Variants in LRAT observed in about 807,000 individuals in gnomAD.
The protein encoded by LRAT is lecithin retinol acyltransferase (phosphatidylcholine--retinol O-acyltransferase).
In LRAT, 11 loss-of-function variants were observed where a neutral mutation model predicts 14.2. That is an observed-to-expected ratio of 0.78 (90% CI 0.49 to 1.29). The LOEUF (loss-of-function observed/expected upper bound fraction) is 1.29. Ranked by LOEUF, LRAT falls within the 50% of genes most tolerant of loss-of-function variation. The pLI is 0.00. For missense variants in LRAT, 274 were observed against 292.4 expected, an observed-to-expected ratio of 0.94 and a Z score of 0.46; for synonymous variants, 144 against 124.8, an observed-to-expected ratio of 1.15 and a Z score of -1.03.
rs186510513 is a variant in LRAT at position 154,750,740 on chromosome 4, T to A, written c.*1604T>A. 8.6e-4 allele frequency: 131 copies of A among 152,308 alleles called. No individual in the cohort carries two copies. Among genetic ancestry groups the A allele is most frequent in the African/African-American group, 3.1e-3 (127 of 41,576 alleles). 9.4% of individuals were successfully genotyped at this position (152,308 alleles called of 1,614,324 possible). A position where few individuals can be genotyped will look rare whatever the true frequency, so the allele number is the denominator to read the frequency against. On this transcript the variant is annotated 3_prime_UTR_variant, in exon 3 of 3. Coordinates refer to ENST00000336356, the MANE Select transcript of LRAT (RefSeq NM_004744.5). Reference sequence around the variant, plus strand: ...GACCTATTCTAACCACTTAAAATTATCTTAAGTATGCATACATAAAAGCAA... The same window carrying A: ...GACCTATTCTAACCACTTAAAATTAACTTAAGTATGCATACATAAAAGCAA...
At chr4:154,745,828 G>A (rs984795577) in intron 2 of LRAT, among the ~76,000 whole-genome samples, 2 of 152,028 alleles carry the variant, frequency 1.3e-5, no homozygotes, top group Non-Finnish European at 2.9e-5. Context: ...ATTTTCCATG[G>A]TATTCTGAAT....
chr4:154,743,115 G>A (rs1732798169), upstream of LRAT, among the ~76,000 whole-genome samples: 1 of 63,580 alleles, frequency 1.6e-5, no homozygotes, highest in African/African-American at 7.2e-5. Flanking sequence ...CGCGGGTAGC[G>A]ACCCCCCCAA....
At chr4:154,743,132 C>CG (rs1253658010), upstream of LRAT, among the ~76,000 whole-genome samples, 1 of 116,046 alleles carries the variant, frequency 8.6e-6, no homozygotes, top group Non-Finnish European at 1.9e-5. Context: ...CCAACCCCCC[C>CG]CCCCCCGCCC....
Position 154,744,832 on chromosome 4 carries a change from G to A in LRAT, c.506G>A (p.Arg169Lys), listed in dbSNP as rs1204353915. ...TGCGAGCACTTCGTGACCTACTGCA[G>A]ATATGGCACCCCGATCAGTCCCCAG... ...NNCEHFVTYC[R>K]YGTPISPQSD... The change falls in exon 2 of 3, where the codon AGA (arginine) becomes AAA (lysine). Residue 169 changes from arginine (R) to lysine (K), a missense_variant. Transcript: ENST00000336356. The A allele has an allele frequency of 1.2e-6, 2 of 1,613,836 alleles. No homozygotes were observed. The highest frequency in any genetic ancestry group is 1.7e-6 in the Non-Finnish European group (2 of 1,180,022).
chr4:154,743,127 C>G (rs1226076945), upstream of LRAT, among the ~76,000 whole-genome samples: 1 of 78,394 alleles, frequency 1.3e-5, no homozygotes, highest in African/African-American at 6.4e-5. Flanking sequence ...CCCCCCCAAC[C>G]CCCCCCCCCC....
At position 154,750,541 on chromosome 4, in the gene LRAT, A is replaced by C. The variant is rs1284211378; in HGVS notation, c.*1405A>C. The C allele has an allele frequency of 2.0e-5, 3 of 152,174 alleles. No individual in the cohort carries two copies. In the East Asian group the frequency reaches 5.8e-4, roughly 29 times the overall value. The allele number at this position is 152,174 out of a possible 1,614,324, so 9.4% of individuals were successfully genotyped here. A position where few individuals can be genotyped will look rare whatever the true frequency, so the allele number is the denominator to read the frequency against. Reference sequence around the variant, plus strand: ...TGGGGAGGGCGGGGCCAATCAGTCAATGATAATCTGAACAAATTTTAAGAG... The same window carrying C: ...TGGGGAGGGCGGGGCCAATCAGTCACTGATAATCTGAACAAATTTTAAGAG... On this transcript the variant is annotated 3_prime_UTR_variant, in exon 3 of 3. Coordinates refer to ENST00000336356, the MANE Select transcript of LRAT (RefSeq NM_004744.5).
intron 2 of LRAT, among the ~76,000 whole-genome samples, chr4:154,747,411 G>C (rs897630342): frequency 1.3e-5 from 2 of 151,696 alleles, no homozygotes; most frequent in African/African-American, 4.8e-5. Flanking sequence ...CTCTTTCATT[G>C]CCAAAAATGA....
chr4:154,744,503 C>G lies in LRAT; in HGVS notation c.177C>G (p.Thr59=). 1 of 1,614,060 alleles carries G rather than the reference C, an allele frequency of 6.2e-7. No individual in the cohort carries two copies. The highest frequency in any genetic ancestry group is 8.5e-7 in the Non-Finnish European group (1 of 1,179,996). Residue 59 remains threonine (T), a synonymous_variant, in exon 2 of 3, where the codon ACC becomes ACG. Transcript: ENST00000336356. ...DVLEVPRTHL[T]HYGIYLGDNR... is the part of the protein sequence containing the mutation. ...TGGAGGTGCCCCGGACCCACCTGAC[C>G]CACTATGGCATCTACCTAGGAGACA...
upstream of LRAT, among the ~76,000 whole-genome samples, chr4:154,741,193 A>AG (rs1173269999): frequency 4.6e-4 from 43 of 93,834 alleles, no homozygotes; most frequent in Middle Eastern, 6.3e-3. Flanking sequence ...TCCTTGACGA[A>AG]GGGGGGTCGG....
intron 2 of LRAT, among the ~76,000 whole-genome samples, chr4:154,746,927 G>C (rs1232355140): frequency 1.3e-5 from 2 of 151,264 alleles, no homozygotes; most frequent in Non-Finnish European, 2.9e-5. Context: ...AGATTTCCCG[G>C]GGGAAAAAAA....
upstream of LRAT, among the ~76,000 whole-genome samples, chr4:154,742,072 A>AT (rs1157774406): frequency 1.4e-4 from 22 of 152,074 alleles, no homozygotes; most frequent in African/African-American, 5.1e-4. Flanking sequence ...TCTGCATTGA[A>AT]CGTACACACC....
chr4:154,752,447 C>T lies in LRAT; in HGVS notation c.*3311C>T, dbSNP rs1480165672. The T allele has an allele frequency of 6.6e-6, 1 of 152,224 alleles. No individual in the cohort carries two copies. The highest frequency in any genetic ancestry group is 2.4e-5 in the African/African-American group (1 of 41,448). 9.4% of individuals were successfully genotyped at this position (152,224 alleles called of 1,614,324 possible). On this transcript the variant is annotated 3_prime_UTR_variant, in exon 3 of 3. Transcript: ENST00000336356. ...GATGTCAGAAAAGGAAAGCAATGGTCTGGTACAAGTCTTGTATAGAACAAG... is the reference window on the plus strand; with the variant it reads ...GATGTCAGAAAAGGAAAGCAATGGTTTGGTACAAGTCTTGTATAGAACAAG...
At position 154,750,877 on chromosome 4, in the gene LRAT, T is replaced by A. The variant is rs1166525193; in HGVS notation, c.*1741T>A. ...AATATAGTGTCCTCAAATAATTAAT[T>A]TTTTTGCAAACTTTAGTTATTACAG... On this transcript the variant is annotated 3_prime_UTR_variant, in exon 3 of 3. Coordinates refer to ENST00000336356, the MANE Select transcript of LRAT (RefSeq NM_004744.5). The A allele has an allele frequency of 2.0e-5, 3 of 152,150 alleles. No individual in the cohort carries two copies. Among genetic ancestry groups the A allele is most frequent in the Non-Finnish European group, 4.4e-5 (3 of 67,998 alleles). 9.4% of individuals were successfully genotyped at this position (152,150 alleles called of 1,614,324 possible). A position where few individuals can be genotyped will look rare whatever the true frequency, so the allele number is the denominator to read the frequency against.
At position 154,750,366 on chromosome 4, in the gene LRAT, T is replaced by C. The variant is rs1490286904; in HGVS notation, c.*1230T>C. 2 of 152,142 alleles carry C rather than the reference T, an allele frequency of 1.3e-5. No homozygotes were observed. Among genetic ancestry groups the C allele is most frequent in the East Asian group, 3.8e-4 (2 of 5,202 alleles). 9.4% of individuals were successfully genotyped at this position (152,142 alleles called of 1,614,324 possible). A position where few individuals can be genotyped will look rare whatever the true frequency, so the allele number is the denominator to read the frequency against. ...GCTGAGGGTCTTATAAGAATTGAGA[T>C]ATAACAATGGTAAAACAAGCATTCA... On this transcript the variant is annotated 3_prime_UTR_variant, in exon 3 of 3. Coordinates refer to ENST00000336356, the MANE Select transcript of LRAT (RefSeq NM_004744.5).
rs941106568 is a variant in LRAT at position 154,752,586 on chromosome 4, A to T, written c.*3450A>T. ...GGACTAGCTAAGATGCTCAATCTCT[A>T]AAAAAAAAAGGATCTGTATTCGTGA... On this transcript the variant is annotated 3_prime_UTR_variant, in exon 3 of 3. Transcript: ENST00000336356. The T allele has an allele frequency of 6.7e-6, 1 of 148,218 alleles. No individual in the cohort carries two copies. Among genetic ancestry groups the T allele is most frequent in the South Asian group, 2.1e-4 (1 of 4,660 alleles). The allele number at this position is 148,218 out of a possible 1,614,324, so 9.2% of individuals were successfully genotyped here. A position where few individuals can be genotyped will look rare whatever the true frequency, so the allele number is the denominator to read the frequency against.
intron 2 of LRAT, among the ~76,000 whole-genome samples, chr4:154,746,172 T>G (rs901989195): frequency 6.6e-6 from 1 of 152,228 alleles, no homozygotes. Flanking sequence ...AAAGAAGTCA[T>G]TGTTAATGTT....
At chr4:154,743,442 C>G (rs958300435), upstream of LRAT, among the ~76,000 whole-genome samples, 1 of 151,962 alleles carries the variant, frequency 6.6e-6, no homozygotes, top group African/African-American at 2.4e-5. Context: ...TGCAGTGAGC[C>G]CAGATCGCGC....
In LRAT at chr4:154,749,511, G is replaced by T; in HGVS notation, c.*375G>T. 6.1e-6 allele frequency: 1 copy of T among 163,008 alleles called. No individual in the cohort carries two copies. The highest frequency in any genetic ancestry group is 1.8e-4 in the East Asian group (1 of 5,628). The allele number at this position is 163,008 out of a possible 1,614,324, so 10.1% of individuals were successfully genotyped here. On this transcript the variant is annotated 3_prime_UTR_variant, in exon 3 of 3. Coordinates refer to ENST00000336356, the MANE Select transcript of LRAT (RefSeq NM_004744.5). ...GATTGGAAGACTTATATTGAGACCA[G>T]TAACTTTACTGTAAATTTACTTTGT...
chr4:154,747,323 A>G (rs1732901706), intron 2 of LRAT, among the ~76,000 whole-genome samples: 1 of 152,174 alleles, frequency 6.6e-6, no homozygotes, highest in African/African-American at 2.4e-5. Flanking sequence ...TTTGTAAACT[A>G]AAAATTCCTT....
Sources: allele counts gnomAD v4.1 joint callset (sites outside exome capture counted in the v4.1 genomes callset), GRCh38; gene constraint gnomAD v4.1.1; transcripts MANE v1.5; gene names NCBI Gene and HGNC (gene_info 2026-07-23, HGNC 2026-07-21).